Variants in TARS2 observed in about 807,000 individuals in gnomAD.
TARS2 encodes the protein threonine--tRNA ligase, mitochondrial.
Under a neutral mutation model 94.4 loss-of-function variants are expected in TARS2, and 61 were observed. That is an observed-to-expected ratio of 0.65 (90% CI 0.53 to 0.80). TARS2 has a LOEUF of 0.80. Ranked by LOEUF, TARS2 falls within the 30% of genes least tolerant of loss-of-function variation. TARS2 has a pLI of 0.00. For synonymous variants in TARS2, 359 were observed against 353.4 expected (o/e 1.02, Z -0.18); for missense variants, 704 against 902.5 (o/e 0.78, Z 2.82).
At position 150,499,211 on chromosome 1, in the gene TARS2, C is replaced by T. The variant is rs1669802431; in HGVS notation, c.1540-5C>T. ...GTATTCCACTCTTGTCTCATTCCTTCAAAGGTCCTTAAACAGGCCCTGAAG... is the reference window on the plus strand; with the variant it reads ...GTATTCCACTCTTGTCTCATTCCTTTAAAGGTCCTTAAACAGGCCCTGAAG... On this transcript the variant is annotated splice_polypyrimidine_tract_variant and splice_region_variant and intron_variant, in intron 12 of 17. Transcript: ENST00000369064. The T allele has an allele frequency of 1.2e-6, 2 of 1,614,130 alleles. No homozygotes were observed. Among genetic ancestry groups the T allele is most frequent in the East Asian group, 4.5e-5 (2 of 44,888 alleles).
chr1:150,487,806 TAAGA>T, intron 1 of TARS2, 48 bp from the exon 2 acceptor site: 1 of 1,579,964 alleles, frequency 6.3e-7, no homozygotes, highest in Non-Finnish European at 8.6e-7. Context: ...TCTGCAATTC[TAAGA>T]AAGAATGATG....
At position 150,507,193 on chromosome 1, in the gene TARS2, C is replaced by T; in HGVS notation, c.*129C>T. The T allele has an allele frequency of 7.8e-7, 1 of 1,289,040 alleles. No individual in the cohort carries two copies. Among genetic ancestry groups the T allele is most frequent in the Non-Finnish European group, 1.0e-6 (1 of 956,838 alleles). 79.9% of individuals were successfully genotyped at this position (1,289,040 alleles called of 1,614,324 possible). A position where few individuals can be genotyped will look rare whatever the true frequency, so the allele number is the denominator to read the frequency against. ...CTGTGTGGAGGCACATGTCTGCTCT[C>T]CTGAAAAGAGACTTGGTTTGGGGAC... On this transcript the variant is annotated 3_prime_UTR_variant, in exon 18 of 18. Transcript: ENST00000369064.
chr1:150,504,852 T>A (rs1670129271), intron 15 of TARS2, 54 bp from the exon 16 acceptor site: 6 of 1,609,862 alleles, frequency 3.7e-6, no homozygotes, highest in African/African-American at 1.3e-5. Flanking sequence ...ACAAGCACAC[T>A]TCTGGCCAGA....
At chr1:150,488,210 T>C in intron 2 of TARS2, 156 bp downstream of exon 2, 1 of 864,960 alleles carries the variant, frequency 1.2e-6, no homozygotes, top group South Asian at 1.9e-5. Context: ...TTGTTGTTGT[T>C]CTTTTATACA....
Position 150,487,940 on chromosome 1 carries a change from T to A in TARS2, c.149T>A (p.Leu50Ter), listed in dbSNP as rs952767124. Residue 50 changes from leucine to a stop codon, truncating the protein, a stop_gained, in exon 2 of 18, where the codon TTA (leucine) becomes TAA (stop). Transcript: ENST00000369064. LOFTEE classifies it high-confidence loss of function. The stretch of plus-strand genomic sequence containing the variant: ...CTGTGGGCTGCTCAGGTAAAGAGAT[T>A]AGCAAGCATGGCACAGAAGGAACCC... ...EELWAAQVKR[L>*]ASMAQKEPRT... 3 of 1,614,014 alleles carry A rather than the reference T, an allele frequency of 1.9e-6. No individual in the cohort carries two copies. The highest frequency in any genetic ancestry group is 8.5e-7 in the Non-Finnish European group (1 of 1,180,036).
intron 10 of TARS2, among the ~76,000 whole-genome samples, chr1:150,497,964 G>A (rs1397144888): frequency 1.3e-5 from 2 of 152,088 alleles, no homozygotes; most frequent in Admixed American, 1.3e-4. Flanking sequence ...ACGGTGGCGG[G>A]CGCCTGTAGT....
intron 6 of TARS2, chr1:150,492,036 G>A (rs188929715): frequency 4.3e-5 from 11 of 258,612 alleles, no homozygotes; most frequent in Admixed American, 1.7e-4. Flanking sequence ...GCGCGATCTC[G>A]GCTCACTGCA....
rs1451150086 is a variant in TARS2, at chr1:150,487,871, C to G, written c.80C>G (p.Thr27Ser). The G allele has an allele frequency of 6.2e-7, 1 of 1,612,790 alleles. No homozygotes were observed. The highest frequency in any genetic ancestry group is 8.5e-7 in the Non-Finnish European group (1 of 1,179,932). The change falls in exon 2 of 18, where the codon ACC becomes AGC. Residue 27 changes from threonine (T) to serine (S), a missense_variant. This residue lies in a region of TARS2 where 208 missense variants were observed against 228.5 expected (regional missense o/e 0.91). Transcript: ENST00000369064. ...CTTTCCCTCCAGGCAGTTGTGTCGA[C>G]CCCTCCACGCTGGTTGGCAGAGCGG... ...ACRLHTAVVS[T>S]PPRWLAERLG...
intron 17 of TARS2, 142 bp downstream of exon 17, chr1:150,505,847 C>T (rs775594741): frequency 5.1e-4 from 351 of 690,062 alleles, no homozygotes; most frequent in Non-Finnish European, 6.2e-4. Flanking sequence ...GGACACCTGA[C>T]TCATTTGGGC....
chr1:150,500,505 A>C (rs1200003821), intron 13 of TARS2, among the ~76,000 whole-genome samples: 14 of 152,136 alleles, frequency 9.2e-5, no homozygotes, highest in Admixed American at 8.5e-4. Flanking sequence ...AGGCAGGAGA[A>C]TCGCTGAACC....
chr1:150,491,353 C>A, intron 4 of TARS2, 41 bp from the exon 5 acceptor site: 5 of 1,601,174 alleles, frequency 3.1e-6, no homozygotes, highest in Non-Finnish European at 4.3e-6. Flanking sequence ...GTGATTGATG[C>A]ACCTCATAGG....
chr1:150,500,788 C>T (rs1422579025), intron 13 of TARS2, among the ~76,000 whole-genome samples: 1 of 152,132 alleles, frequency 6.6e-6, no homozygotes, highest in East Asian at 1.9e-4. Context: ...CGCACCACTG[C>T]ACTCCAGCCT....
intron 13 of TARS2, among the ~76,000 whole-genome samples, chr1:150,502,421 C>T (rs1669969686): frequency 6.9e-6 from 1 of 145,442 alleles, no homozygotes; most frequent in Admixed American, 7.1e-5. Context: ...GAGTTTTACT[C>T]TGTCGCCAGG....
At chr1:150,499,784 G>A (rs942007727) in intron 13 of TARS2, among the ~76,000 whole-genome samples, 3 of 152,120 alleles carry the variant, frequency 2.0e-5, no homozygotes, top group South Asian at 4.1e-4. Context: ...TCAGTGCTGC[G>A]AGATCTGTGC....
At chr1:150,491,836 C>T in intron 6 of TARS2, 174 bp downstream of exon 6, 3 of 665,516 alleles carry the variant, frequency 4.5e-6, no homozygotes, top group Middle Eastern at 4.3e-4. Context: ...GGTCTGTCTC[C>T]CAGGCTGGAG....
Position 150,504,318 on chromosome 1 carries a change from C to T in TARS2, c.1618-17C>T. 1.2e-6 allele frequency: 2 copies of T among 1,613,410 alleles called. No individual in the cohort carries two copies. The highest frequency in any genetic ancestry group is 1.7e-6 in the Non-Finnish European group (2 of 1,179,610). Reference sequence around the variant, plus strand: ...TGCTTCTGGCTTATCTCGTGCCTTCCCATCTGTTTCCTGTAGATTGACGTG... The same window carrying T: ...TGCTTCTGGCTTATCTCGTGCCTTCTCATCTGTTTCCTGTAGATTGACGTG... On this transcript the variant is annotated splice_polypyrimidine_tract_variant and intron_variant, in intron 13 of 17. Coordinates refer to ENST00000369064, the MANE Select transcript of TARS2 (RefSeq NM_025150.5).
At chr1:150,503,547 G>A (rs9436122) in intron 13 of TARS2, among the ~76,000 whole-genome samples, 76,200 of 134,794 alleles carry the variant, frequency 0.57, 21,312 homozygotes, top group Non-Finnish European at 0.61. Flanking sequence ...ATACACATAT[G>A]TGTGTGTGTG....
intron 13 of TARS2, among the ~76,000 whole-genome samples, chr1:150,503,409 C>A (rs1392534723): frequency 6.6e-6 from 1 of 151,706 alleles, no homozygotes; most frequent in East Asian, 1.9e-4. Flanking sequence ...TTGTCATGGC[C>A]GGGTGTGGTG....
chr1:150,495,342 C>T (rs1570846461), intron 7 of TARS2, among the ~76,000 whole-genome samples: 1 of 151,692 alleles, frequency 6.6e-6, no homozygotes, highest in African/African-American at 2.4e-5. Context: ...TATATACACA[C>T]ACACACACAC....
Sources: allele counts gnomAD v4.1 joint callset (sites outside exome capture counted in the v4.1 genomes callset), GRCh38; gene constraint gnomAD v4.1.1; regional missense constraint gnomAD v4.1.1; transcripts MANE v1.5; gene names NCBI Gene and HGNC (gene_info 2026-07-23, HGNC 2026-07-21).